Variants in SPOCK1 observed in about 807,000 individuals in gnomAD.
SPOCK1 encodes testican-1.
Under a neutral mutation model 55.3 loss-of-function variants are expected in SPOCK1, and 23 were observed. That is an observed-to-expected ratio of 0.42 (90% CI 0.30 to 0.59). SPOCK1 has a LOEUF of 0.59. Ranked by LOEUF, SPOCK1 falls within the 20% of genes least tolerant of loss-of-function variation. The probability of loss-of-function intolerance (pLI) is 0.22; values close to 1 mark genes in which losing one functional copy is unlikely to be tolerated. For missense variants in SPOCK1, 499 were observed against 552.5 expected, an observed-to-expected ratio of 0.90 and a Z score of 0.97; for synonymous variants, 226 against 221.0, an observed-to-expected ratio of 1.02 and a Z score of -0.20.
At chr5:137,474,140 C>T (rs1017305496) in intron 2 of SPOCK1, among the ~76,000 whole-genome samples, 6 of 151,800 alleles carry the variant, frequency 4.0e-5, no homozygotes, top group Admixed American at 3.3e-4. Context: ...TACGGTGCAG[C>T]GTATGGTGCA....
At chr5:137,206,482 T>C (rs529209135) in intron 3 of SPOCK1, among the ~76,000 whole-genome samples, 24 of 152,300 alleles carry the variant, frequency 1.6e-4, no homozygotes, top group African/African-American at 5.5e-4. Flanking sequence ...CGTACATGAC[T>C]GAATGGGAGA....
At chr5:137,094,305 C>T (rs1276084464) in intron 5 of SPOCK1, among the ~76,000 whole-genome samples, 1 of 152,186 alleles carries the variant, frequency 6.6e-6, no homozygotes, top group East Asian at 1.9e-4. Context: ...AGCTACTCTA[C>T]ATATGCACCA....
intron 2 of SPOCK1, among the ~76,000 whole-genome samples, chr5:137,402,622 C>T (rs1455292472): frequency 1.3e-5 from 2 of 152,172 alleles, no homozygotes; most frequent in East Asian, 1.9e-4. Context: ...GGGGGTTAGA[C>T]CTCAACCTGC....
At position 136,976,229 on chromosome 5, in the gene SPOCK1, G is replaced by C. The variant is rs1376658700; in HGVS notation, c.*2425C>G. On this transcript the variant is annotated 3_prime_UTR_variant, in exon 11 of 11. Coordinates refer to ENST00000394945, the MANE Select transcript of SPOCK1 (RefSeq NM_004598.4). ...AGGCATGAAAAGTATTATTAATGTG[G>C]CTCCATCGATTTGGGGGTTCCAATC... The C allele has an allele frequency of 6.6e-6, 1 of 152,200 alleles. No homozygotes were observed. The highest frequency in any genetic ancestry group is 1.5e-5 in the Non-Finnish European group (1 of 68,024). The allele number at this position is 152,200 out of a possible 1,614,324, so 9.4% of individuals were successfully genotyped here. A position where few individuals can be genotyped will look rare whatever the true frequency, so the allele number is the denominator to read the frequency against.
At chr5:137,186,458 C>G (rs1463055516) in intron 3 of SPOCK1, among the ~76,000 whole-genome samples, 1 of 152,180 alleles carries the variant, frequency 6.6e-6, no homozygotes, top group Non-Finnish European at 1.5e-5. Context: ...CTTGGAAGGA[C>G]TCAATTCCAC....
chr5:137,475,677 G>A (rs556581668), intron 2 of SPOCK1, among the ~76,000 whole-genome samples: 10 of 152,126 alleles, frequency 6.6e-5, no homozygotes, highest in African/African-American at 2.4e-4. Context: ...TGAACTCCTG[G>A]GCTCAAGCCA....
At chr5:137,422,555 C>T (rs551398769) in intron 2 of SPOCK1, among the ~76,000 whole-genome samples, 1 of 152,142 alleles carries the variant, frequency 6.6e-6, no homozygotes, top group Admixed American at 6.5e-5. Flanking sequence ...TCACTGATAC[C>T]CTTTCTTCCA....
intron 3 of SPOCK1, among the ~76,000 whole-genome samples, chr5:137,151,477 C>A (rs1754318030): frequency 6.6e-6 from 1 of 152,158 alleles, no homozygotes; most frequent in Admixed American, 6.6e-5. Context: ...TTGAGCAGTG[C>A]TGAAAGTATG....
At chr5:137,051,249 C>A (rs1049209246) in intron 6 of SPOCK1, among the ~76,000 whole-genome samples, 1 of 152,146 alleles carries the variant, frequency 6.6e-6, no homozygotes, top group African/African-American at 2.4e-5. Flanking sequence ...TAGTACTTTT[C>A]CAACTACGAG....
At chr5:137,006,930 C>G (rs1026319160) in intron 6 of SPOCK1, among the ~76,000 whole-genome samples, 4 of 152,076 alleles carry the variant, frequency 2.6e-5, no homozygotes, top group African/African-American at 9.7e-5. Context: ...TTGCCGAAGG[C>G]CTTTTTGGCG....
At chr5:137,497,034 G>C (rs1754313746) in intron 2 of SPOCK1, among the ~76,000 whole-genome samples, 2 of 152,166 alleles carry the variant, frequency 1.3e-5, no homozygotes, top group Non-Finnish European at 2.9e-5. Context: ...AGCTATGAGT[G>C]CATCTCCTCT....
chr5:137,155,879 C>A (rs1754406431), intron 3 of SPOCK1, among the ~76,000 whole-genome samples: 2 of 152,150 alleles, frequency 1.3e-5, no homozygotes, highest in African/African-American at 4.8e-5. Flanking sequence ...AGGGCAGACC[C>A]ACTGGGCGGC....
chr5:137,114,026 T>C (rs739929), intron 4 of SPOCK1, among the ~76,000 whole-genome samples: 35,160 of 151,928 alleles, frequency 0.23, 4,468 homozygotes, highest in Non-Finnish European at 0.29. Flanking sequence ...CTCTAGCAAT[T>C]TGGGGGAGGT....
intron 3 of SPOCK1, among the ~76,000 whole-genome samples, chr5:137,209,355 G>A (rs1177059245): frequency 6.6e-6 from 1 of 152,162 alleles, no homozygotes; most frequent in Non-Finnish European, 1.5e-5. Flanking sequence ...AGCCAGCATC[G>A]CATGACCTGC....
intron 3 of SPOCK1, among the ~76,000 whole-genome samples, chr5:137,207,945 T>C (rs373968569): frequency 5.6e-4 from 86 of 152,246 alleles, no homozygotes; most frequent in African/African-American, 2.1e-3. Flanking sequence ...AGAAATTTCA[T>C]CCTTTACTCT....
chr5:137,160,825 G>C (rs530088528), intron 3 of SPOCK1, among the ~76,000 whole-genome samples: 2 of 142,904 alleles, frequency 1.4e-5, no homozygotes, highest in African/African-American at 5.1e-5. Context: ...ATTCCTAAAA[G>C]AGCTAAAAAT....
chr5:137,378,802 G>A (rs1751388061), intron 2 of SPOCK1, among the ~76,000 whole-genome samples: 2 of 152,306 alleles, frequency 1.3e-5, no homozygotes, highest in Middle Eastern at 3.4e-3. Flanking sequence ...GTTTCCTTGT[G>A]GGGAGTTTGA....
At chr5:137,285,248 A>T (rs1452026856) in intron 2 of SPOCK1, among the ~76,000 whole-genome samples, 3 of 152,202 alleles carry the variant, frequency 2.0e-5, no homozygotes, top group African/African-American at 7.2e-5. Context: ...CTTCCACACA[A>T]TGATTATACC....
intron 2 of SPOCK1, among the ~76,000 whole-genome samples, chr5:137,485,164 G>C (rs1754030166): frequency 6.6e-6 from 1 of 152,106 alleles, no homozygotes; most frequent in Non-Finnish European, 1.5e-5. Context: ...AAAGAACAAT[G>C]TAAAGTCAAA....
Sources: allele counts gnomAD v4.1 joint callset (sites outside exome capture counted in the v4.1 genomes callset), GRCh38; gene constraint gnomAD v4.1.1; transcripts MANE v1.5; gene names NCBI Gene and HGNC (gene_info 2026-07-23, HGNC 2026-07-21).